Variants in RBFOX2 observed in about 807,000 individuals in gnomAD.
The protein encoded by RBFOX2 is RNA binding protein fox-1 homolog 2.
RBFOX2 carries 10 observed loss-of-function variants against 49.1 expected under a neutral mutation model. The observed-to-expected ratio is 0.20, with a 90% CI of 0.13 to 0.35. The LOEUF (loss-of-function observed/expected upper bound fraction) is 0.35. RBFOX2 is among the 10% of genes least tolerant of loss of function. RBFOX2 has a pLI of 1.00. For missense variants in RBFOX2, 323 were observed against 486.9 expected, an observed-to-expected ratio of 0.66 and a Z score of 3.17; for synonymous variants, 183 against 187.4, an observed-to-expected ratio of 0.98 and a Z score of 0.19.
chr22:35,758,562 TAA>T (rs967613605), intron 9 of RBFOX2, among the ~76,000 whole-genome samples: 2 of 152,164 alleles, frequency 1.3e-5, no homozygotes, highest in Admixed American at 6.5e-5. Flanking sequence ...TTCACTTCTT[TAA>T]AGAGATGTCA....
intron 9 of RBFOX2, among the ~76,000 whole-genome samples, chr22:35,754,408 A>G (rs1186178045): frequency 6.6e-6 from 1 of 152,214 alleles, no homozygotes; most frequent in Non-Finnish European, 1.5e-5. Flanking sequence ...GGCAAGTCTT[A>G]ATAAGACATA....
rs1369161671 is a variant in RBFOX2, at chr22:36,002,730, C to A, written c.186+25510G>T. On this transcript the variant is annotated intron_variant, in intron 1 of 13. Coordinates refer to the RBFOX2 transcript ENST00000438146. ...CCTCTGCCTCCCAGGTTCAAGTGAT[C>A]CCCCTGCTTCAGCTTCCTGAGTAGC... 2.6e-5 allele frequency among the ~76,000 whole-genome samples: 4 copies of A among 152,350 alleles called. No homozygotes were observed. In the East Asian group the frequency reaches 7.7e-4, roughly 29 times the overall value.
At chr22:35,791,668 C>G (rs1350290675) in intron 2 of RBFOX2, among the ~76,000 whole-genome samples, 2 of 152,100 alleles carry the variant, frequency 1.3e-5, no homozygotes, top group Non-Finnish European at 2.9e-5. Flanking sequence ...TAACTTGTAA[C>G]TCTCATTATT....
rs552223720 is a variant in RBFOX2 at position 35,926,193 on chromosome 22, G to T, written c.-34+12654C>A. 1.0e-3 allele frequency among the ~76,000 whole-genome samples: 153 copies of T among 152,242 alleles called. 1 individual carries two copies. Among genetic ancestry groups the T allele is most frequent in the African/African-American group, 3.5e-3 (147 of 41,520 alleles). ...ACAAAGCACTGAATAAATATGTCAAGCTTCTTAAATGTAACTCACAAAATG... is the reference window on the plus strand; with the variant it reads ...ACAAAGCACTGAATAAATATGTCAATCTTCTTAAATGTAACTCACAAAATG... On this transcript the variant is annotated intron_variant, in intron 1 of 13. Coordinates refer to the RBFOX2 transcript ENST00000359369.
rs536341515 is a variant in RBFOX2, at chr22:35,821,778, A to G, written c.28-11774T>C. 161 of 518,364 alleles carry G rather than the reference A, an allele frequency of 3.1e-4. 2 individuals carry two copies. Among genetic ancestry groups the G allele is most frequent in the South Asian group, 2.2e-3 (156 of 71,552 alleles). The allele number at this position is 518,364 out of a possible 1,614,324, so 32.1% of individuals were successfully genotyped here. On this transcript the variant is annotated intron_variant, in intron 1 of 11. Coordinates refer to ENST00000405409, the Ensembl canonical transcript of RBFOX2. ...CCACCCCCAAGCTTTGGCAACACAT[A>G]CTCAGTACACACCTGATCTACCCAT...
At chr22:35,885,673 G>A (rs1381774855) in intron 1 of RBFOX2, among the ~76,000 whole-genome samples, 2 of 151,740 alleles carry the variant, frequency 1.3e-5, no homozygotes, top group African/African-American at 2.4e-5. Flanking sequence ...AAGCTAGGTC[G>A]TTTCCCCGCA....
intron 1 of RBFOX2, among the ~76,000 whole-genome samples, chr22:35,881,065 C>A (rs1271631612): frequency 1.4e-5 from 2 of 147,522 alleles, no homozygotes; most frequent in African/African-American, 5.0e-5. Context: ...GAGATGGAGA[C>A]CATCCTGGCT....
At chr22:35,985,019 A>G (rs1260599175) in intron 1 of RBFOX2, among the ~76,000 whole-genome samples, 4 of 152,196 alleles carry the variant, frequency 2.6e-5, no homozygotes, top group Non-Finnish European at 5.9e-5. Flanking sequence ...CAAATTTTTA[A>G]AATTCCAGAT....
chr22:35,979,304 G>C (rs1276796126), intron 1 of RBFOX2, among the ~76,000 whole-genome samples: 9 of 152,174 alleles, frequency 5.9e-5, no homozygotes. Flanking sequence ...TCCTAGACAA[G>C]ATACCGGACC....
intron 1 of RBFOX2, among the ~76,000 whole-genome samples, chr22:35,946,512 C>T (rs779136454): frequency 7.9e-5 from 12 of 152,278 alleles, no homozygotes; most frequent in Middle Eastern, 3.4e-3. Flanking sequence ...AATCAGGTGA[C>T]GCTTATCTGG....
At chr22:35,767,809 AAG>A (rs1444685200) in intron 5 of RBFOX2, among the ~76,000 whole-genome samples, 1 of 152,162 alleles carries the variant, frequency 6.6e-6, no homozygotes, top group African/African-American at 2.4e-5. Context: ...CTGGCCTCCC[AAG>A]AGAGAGGATA....
chr22:35,776,096 C>A (rs907841812), intron 4 of RBFOX2, among the ~76,000 whole-genome samples: 2 of 152,084 alleles, frequency 1.3e-5, no homozygotes, highest in African/African-American at 2.4e-5. Flanking sequence ...AAAACTACTT[C>A]AGATAGTAGT....
chr22:35,943,712 C>T (rs1280823348), upstream of RBFOX2, among the ~76,000 whole-genome samples: 1 of 152,162 alleles, frequency 6.6e-6, no homozygotes, highest in African/African-American at 2.4e-5. Flanking sequence ...TCGTGGCTAA[C>T]ACAGTGAAAT....
intron 1 of RBFOX2, among the ~76,000 whole-genome samples, chr22:35,880,815 C>T (rs917155240): frequency 6.0e-5 from 9 of 151,094 alleles, no homozygotes; most frequent in Non-Finnish European, 1.3e-4. Flanking sequence ...TAACTATTCC[C>T]AGCCATGGAA....
At chr22:35,853,146 T>C (rs919156154) in intron 1 of RBFOX2, among the ~76,000 whole-genome samples, 2 of 151,754 alleles carry the variant, frequency 1.3e-5, no homozygotes, top group African/African-American at 4.8e-5. Flanking sequence ...ATACAAAAAT[T>C]AGCCGGGCGT....
rs112924175 is a variant in RBFOX2, at chr22:35,790,601, T to C, written c.253-8855A>G. On this transcript the variant is annotated intron_variant, in intron 2 of 11. Coordinates refer to ENST00000405409, the Ensembl canonical transcript of RBFOX2. The stretch of plus-strand genomic sequence containing the variant: ...CTATATCAGTATTCAGTATTTCTTA[T>C]TGCCTAGTTTCAAACATTCTACTAT... 2.2e-3 allele frequency among the ~76,000 whole-genome samples: 336 copies of C among 152,350 alleles called. 2 individuals are homozygous for C. Among genetic ancestry groups the C allele is most frequent in the African/African-American group, 6.8e-3 (283 of 41,590 alleles).
chr22:35,812,331 AT>A (rs576637599), intron 1 of RBFOX2, among the ~76,000 whole-genome samples: 1 of 151,956 alleles, frequency 6.6e-6, no homozygotes, highest in Non-Finnish European at 1.5e-5. Context: ...AAAACTTTAA[AT>A]TTTTTTGGAA....
intron 1 of RBFOX2, among the ~76,000 whole-genome samples, chr22:35,930,715 A>C (rs1223224186): frequency 2.0e-5 from 3 of 152,102 alleles, no homozygotes; most frequent in African/African-American, 7.2e-5. Flanking sequence ...CTGTAATGCC[A>C]GCTACAGGGG....
chr22:35,766,427 A>C (rs1940965635), intron 5 of RBFOX2, among the ~76,000 whole-genome samples: 1 of 152,194 alleles, frequency 6.6e-6, no homozygotes, highest in Non-Finnish European at 1.5e-5. Flanking sequence ...ATTGTGTTCA[A>C]TTTGTATGGT....
Sources: allele counts gnomAD v4.1 joint callset (sites outside exome capture counted in the v4.1 genomes callset), GRCh38; gene constraint gnomAD v4.1.1; transcripts MANE v1.5; gene names NCBI Gene and HGNC (gene_info 2026-07-23, HGNC 2026-07-21).